Variants in MPDZ observed in about 807,000 individuals in gnomAD.
MPDZ encodes multiple PDZ domain crumbs cell polarity complex component, also known as multiple PDZ domain protein.
Under a neutral mutation model 239.1 loss-of-function variants are expected in MPDZ, and 234 were observed. The ratio of observed to expected loss-of-function variants is 0.98; its 90% CI spans 0.88 to 1.09. MPDZ has a LOEUF of 1.09. Ranked by LOEUF, MPDZ falls within the 50% of genes least tolerant of loss-of-function variation. MPDZ has a pLI of 0.00. For synonymous variants in MPDZ, 1,048 were observed against 881.3 expected, an observed-to-expected ratio of 1.19 and a Z score of -3.35; for missense variants, 3,175 against 2,510.0, an observed-to-expected ratio of 1.26 and a Z score of -5.66.
chr9:13,149,845 C>A (rs900305311), intron 25 of MPDZ, among the ~76,000 whole-genome samples: 2 of 152,018 alleles, frequency 1.3e-5, no homozygotes, highest in African/African-American at 4.8e-5. Context: ...CACAGGCACA[C>A]ATACAGAGCC....
At chr9:13,182,201 T>C (rs983952476) in intron 19 of MPDZ, among the ~76,000 whole-genome samples, 2 of 152,106 alleles carry the variant, frequency 1.3e-5, no homozygotes, top group African/African-American at 2.4e-5. Context: ...ATGCAGAAAA[T>C]ACATATTTCG....
At chr9:13,132,677 A>G (rs887493585) in intron 32 of MPDZ, among the ~76,000 whole-genome samples, 27 of 152,172 alleles carry the variant, frequency 1.8e-4, no homozygotes, top group Admixed American at 1.6e-3. Flanking sequence ...GAACATATGT[A>G]TATTTAATTT....
intron 22 of MPDZ, among the ~76,000 whole-genome samples, chr9:13,166,832 C>T (rs1265688101): frequency 5.9e-5 from 9 of 152,020 alleles, no homozygotes; most frequent in Non-Finnish European, 1.3e-4. Context: ...GACTTTGAGC[C>T]TGAAAATGTA....
intron 1 of MPDZ, among the ~76,000 whole-genome samples, chr9:13,268,188 A>C (rs1972204624): frequency 6.6e-6 from 1 of 151,542 alleles, no homozygotes; most frequent in African/African-American, 2.4e-5. Flanking sequence ...AGAGAGAGAG[A>C]GATCTAGATA....
chr9:13,243,368 T>A lies in MPDZ; in HGVS notation c.183+4267A>T, dbSNP rs79069476. On this transcript the variant is annotated intron_variant, in intron 3 of 46. Coordinates refer to ENST00000319217, the MANE Select transcript of MPDZ (RefSeq NM_001378778.1). The stretch of plus-strand genomic sequence containing the variant: ...ATAGTCCTTCAGTTCTATCTCTTTT[T>A]TTTTTTTTGCTTTGCTTCTAGGAAA... Among the ~76,000 whole-genome samples, 45 of 152,138 alleles carry A rather than the reference T, an allele frequency of 3.0e-4. No individual in the cohort carries two copies. In the East Asian group the frequency reaches 6.4e-3, roughly 22 times the overall value.
chr9:13,233,064 T>C lies in MPDZ; in HGVS notation c.184-8481A>G, dbSNP rs78350615. Among the ~76,000 whole-genome samples, 868 of 152,240 alleles carry C rather than the reference T, an allele frequency of 5.7e-3. 8 individuals carry two copies. Among genetic ancestry groups the C allele is most frequent in the African/African-American group, 0.02 (836 of 41,554 alleles). ...GGGTAGTACTAAGTGTGAGCATTGATGTGGAGCCACAAGAACTTTCATACA... is the reference window on the plus strand; with the variant it reads ...GGGTAGTACTAAGTGTGAGCATTGACGTGGAGCCACAAGAACTTTCATACA... On this transcript the variant is annotated intron_variant, in intron 3 of 46. Coordinates refer to ENST00000319217, the MANE Select transcript of MPDZ (RefSeq NM_001378778.1).
intron 24 of MPDZ, among the ~76,000 whole-genome samples, chr9:13,151,265 T>C (rs1949132385): frequency 6.6e-6 from 1 of 151,898 alleles, no homozygotes; most frequent in Admixed American, 6.6e-5. Context: ...CCTCAAAAAA[T>C]TAAAAATAGA....
intron 3 of MPDZ, among the ~76,000 whole-genome samples, chr9:13,226,378 G>A (rs4469558): frequency 0.98 from 149,603 of 152,194 alleles, 73,578 homozygotes; most frequent in Middle Eastern, 1. Flanking sequence ...CTTTTTATCT[G>A]TAACTACTTA....
chr9:13,140,022 T>C lies in MPDZ; in HGVS notation c.3968A>G (p.Asp1323Gly). 1 of 1,613,406 alleles carries C rather than the reference T, an allele frequency of 6.2e-7. No homozygotes were observed. The highest frequency in any genetic ancestry group is 8.5e-7 in the Non-Finnish European group (1 of 1,179,680). The change falls in exon 28 of 47, where the codon GAT (aspartate) becomes GGT (glycine). Residue 1323 changes from aspartate (D) to glycine (G), a missense_variant. Coordinates refer to ENST00000319217, the MANE Select transcript of MPDZ (RefSeq NM_001378778.1). ...ACCAAACTCATCCTCTTTGTCCACA[T>C]CTTGTGAGATTTTGCTTGCAGATGA... ...TQSSASKISQDVDKEDEFGYS... is the reference protein window; with the variant it reads ...TQSSASKISQGVDKEDEFGYS...
intron 10 of MPDZ, among the ~76,000 whole-genome samples, chr9:13,210,550 A>T (rs756256713): frequency 6.6e-5 from 10 of 152,028 alleles, no homozygotes; most frequent in Middle Eastern, 3.4e-3. Flanking sequence ...TGCCATCAGG[A>T]GGATAAGGAA....
chr9:13,159,990 C>G (rs1246547042), intron 23 of MPDZ, among the ~76,000 whole-genome samples: 3 of 152,126 alleles, frequency 2.0e-5, no homozygotes, highest in Non-Finnish European at 4.4e-5. Flanking sequence ...AAGTAGATCT[C>G]TTTATATCTG....
intron 46 of MPDZ, among the ~76,000 whole-genome samples, chr9:13,107,559 G>C (rs530639404): frequency 3.9e-5 from 6 of 152,186 alleles, no homozygotes; most frequent in Non-Finnish European, 7.4e-5. Context: ...AAATCCAAAG[G>C]TCTGCAAAAG....
Position 13,155,884 on chromosome 9 carries a change from C to T in MPDZ, c.3452+2134G>A, listed in dbSNP as rs181458070. Among the ~76,000 whole-genome samples the T allele has an allele frequency of 2.6e-5, 4 of 152,206 alleles. No homozygotes were observed. The East Asian group carries it at 5.8e-4, about 22-fold the overall frequency. On this transcript the variant is annotated intron_variant, in intron 24 of 46. Coordinates refer to ENST00000319217, the MANE Select transcript of MPDZ (RefSeq NM_001378778.1). ...CCACTACACTAGTGAGTACAGAGTA[C>T]CTTCTTAGAAGGATTTATGGAATCT...
At chr9:13,257,575 G>C (rs569866316) in intron 1 of MPDZ, among the ~76,000 whole-genome samples, 1 of 152,256 alleles carries the variant, frequency 6.6e-6, no homozygotes, top group African/African-American at 2.4e-5. Context: ...GAGGGTAATT[G>C]CTTAGGTAAG....
intron 2 of MPDZ, among the ~76,000 whole-genome samples, chr9:13,249,316 A>T (rs1967255837): frequency 6.6e-6 from 1 of 152,190 alleles, no homozygotes; most frequent in South Asian, 2.1e-4. Context: ...TAAAGACTAG[A>T]AAACAACAGT....
At chr9:13,188,678 T>A in intron 17 of MPDZ, 106 bp downstream of exon 17, 1 of 888,808 alleles carries the variant, frequency 1.1e-6, no homozygotes, top group South Asian at 2.1e-5. Flanking sequence ...TGATGAAAAC[T>A]ACTAAAAGTC....
At chr9:13,135,696 C>T (rs1388964816) in intron 31 of MPDZ, 1 of 156,084 alleles carries the variant, frequency 6.4e-6, no homozygotes, top group East Asian at 1.9e-4. Flanking sequence ...CAGTGATGCT[C>T]TACAATTTAG....
intron 17 of MPDZ, among the ~76,000 whole-genome samples, chr9:13,187,761 A>ACAAAAT (rs569992369): frequency 2.1e-4 from 1 of 4,812 alleles, no homozygotes; most frequent in South Asian, 1.3e-3. Flanking sequence ...CATTTTCTTA[A>ACAAAAT]GACTTCAAAC....
chr9:13,236,241 GTGTGTGTGTATA>G (rs1564099427), intron 3 of MPDZ, among the ~76,000 whole-genome samples: 1 of 5,520 alleles, frequency 1.8e-4, no homozygotes, highest in Non-Finnish European at 8.8e-4. Flanking sequence ...GTATATGTGT[GTGTGTGTGTATA>G]TATATATATA....
Sources: allele counts gnomAD v4.1 joint callset (sites outside exome capture counted in the v4.1 genomes callset), GRCh38; gene constraint gnomAD v4.1.1; transcripts MANE v1.5; gene names NCBI Gene and HGNC (gene_info 2026-07-23, HGNC 2026-07-21).